The following RIPPLY3 variants were observed in gnomAD, a reference collection of about 807,000 sequenced individuals.
RIPPLY3 encodes the protein ripply transcriptional repressor 3, also known as protein ripply3.
Under a neutral mutation model 11.9 loss-of-function variants are expected in RIPPLY3, and 8 were observed. The ratio of observed to expected loss-of-function variants is 0.67; its 90% confidence interval spans 0.40 to 1.21. RIPPLY3 has a LOEUF of 1.21. RIPPLY3 is among the 50% of genes most tolerant of loss of function. The probability of loss-of-function intolerance (pLI) is 0.01; values close to 1 mark genes in which losing one functional copy is unlikely to be tolerated. For missense variants in RIPPLY3, 271 were observed against 246.0 expected (o/e 1.10, Z -0.68); for synonymous variants, 102 against 99.0 (o/e 1.03, Z -0.18).
At chr21:37,015,278 C>T (rs1215422171) in intron 3 of RIPPLY3, among the ~76,000 whole-genome samples, 1 of 152,118 alleles carries the variant, frequency 6.6e-6, no homozygotes, top group African/African-American at 2.4e-5. Context: ...ATTCTCCTGC[C>T]TCAGCCTCCC....
intron 3 of RIPPLY3, among the ~76,000 whole-genome samples, 170 bp from the exon 4 acceptor site, chr21:37,017,704 A>G (rs1182503785): frequency 6.6e-6 from 1 of 152,116 alleles, no homozygotes; most frequent in Non-Finnish European, 1.5e-5. Context: ...GGTGCCTCCA[A>G]TAGGTGCCTA....
At position 37,018,155 on chromosome 21, in the gene RIPPLY3, C is replaced by A. The variant is rs531434807; in HGVS notation, c.521C>A (p.Pro174Gln). 6.2e-7 allele frequency: 1 copy of A among 1,613,882 alleles called. No individual in the cohort carries two copies. Among genetic ancestry groups the A allele is most frequent in the South Asian group, 1.1e-5 (1 of 91,068 alleles). The change falls in exon 4 of 4, where the codon CCG becomes CAG. Residue 174 changes from proline to glutamine, a missense_variant. Transcript: ENST00000329553. Reference protein sequence around the residue: ...SGGGDHWGEGPLPQGVSSRGG... With the variant: ...SGGGDHWGEGQLPQGVSSRGG... ...GGGGGTGACCACTGGGGGGAGGGTC[C>A]GCTCCCTCAAGGTGTCTCCTCAAGG...
intron 2 of RIPPLY3, among the ~76,000 whole-genome samples, chr21:37,011,098 G>A (rs969625213): frequency 6.6e-6 from 1 of 151,978 alleles, no homozygotes; most frequent in African/African-American, 2.4e-5. Context: ...CTGCCTCCCA[G>A]GTTCAAGCGA....
intron 2 of RIPPLY3, among the ~76,000 whole-genome samples, chr21:37,010,262 C>T (rs1367885030): frequency 6.6e-6 from 1 of 152,074 alleles, no homozygotes; most frequent in African/African-American, 2.4e-5. Context: ...GAGGCCGAGG[C>T]GGTCGGATCA....
intron 1 of RIPPLY3, 89 bp from the exon 2 acceptor site, chr21:37,008,068 A>G (rs2277786): frequency 0.32 from 435,707 of 1,370,534 alleles, 72,006 homozygotes; most frequent in East Asian, 0.49. Flanking sequence ...TTTCAGGCAG[A>G]CACTGGAACT....
intron 2 of RIPPLY3, among the ~76,000 whole-genome samples, chr21:37,008,723 A>C (rs1283090092): frequency 7.3e-6 from 1 of 137,034 alleles, no homozygotes; most frequent in East Asian, 2.2e-4. Context: ...ATGCCACTGC[A>C]CTCCAGTGTG....
Position 37,008,157 on chromosome 21 carries a change from C to A in RIPPLY3, c.105C>A (p.Ser35Arg), listed in dbSNP as rs758659278. 1 of 1,614,108 alleles carries A rather than the reference C, an allele frequency of 6.2e-7. No homozygotes were observed. Among genetic ancestry groups the A allele is most frequent in the Non-Finnish European group, 8.5e-7 (1 of 1,179,966 alleles). ...WRPPPPRGPESPAPWRPWIQT... is the reference protein window; with the variant it reads ...WRPPPPRGPERPAPWRPWIQT... ...TCTCTCCTGGCGCTTGCCGTTCCAG[C>A]CCCGCGCCGTGGCGACCTTGGATCC... The change falls in exon 2 of 4, where the codon AGC becomes AGA. Residue 35 changes from serine (S) to arginine (R), a missense_variant and splice_region_variant. Physicochemically the swap from Ser to Arg is moderately radical, Grantham distance 110 (BLOSUM62 -1). Transcript: ENST00000329553.
At chr21:37,012,395 G>A (rs902850514) in intron 2 of RIPPLY3, among the ~76,000 whole-genome samples, 8 of 151,934 alleles carry the variant, frequency 5.3e-5, no homozygotes, top group South Asian at 4.2e-4. Context: ...ATGCCACCAC[G>A]CCCAGCTAAA....
chr21:37,017,821 A>G, intron 3 of RIPPLY3, 53 bp from the exon 4 acceptor site: 2 of 1,479,942 alleles, frequency 1.4e-6, no homozygotes, highest in Non-Finnish European at 1.8e-6. Flanking sequence ...TCTAGAAGCA[A>G]TTTAGGACGA....
At chr21:37,016,140 A>G (rs2069575612) in intron 3 of RIPPLY3, among the ~76,000 whole-genome samples, 1 of 152,104 alleles carries the variant, frequency 6.6e-6, no homozygotes, top group African/African-American at 2.4e-5. Context: ...AGATGAACAT[A>G]CACATTCTGT....
At chr21:37,008,645 C>G (rs1310687553) in intron 2 of RIPPLY3, among the ~76,000 whole-genome samples, 1 of 150,512 alleles carries the variant, frequency 6.6e-6, no homozygotes, top group Non-Finnish European at 1.5e-5. Flanking sequence ...GTAATCCCAG[C>G]TACTTAGGAG....
At chr21:37,006,374 C>T (rs564861570), upstream of RIPPLY3, 67 of 161,792 alleles carry the variant, frequency 4.1e-4, no homozygotes, top group Middle Eastern at 0.011. This position sits in a 1 kb window ranked among gnomAD's most constrained non-coding sequence, Gnocchi z 5.2. Context: ...ATCCCTGGTA[C>T]CTCCATCCTC....
intron 2 of RIPPLY3, among the ~76,000 whole-genome samples, chr21:37,012,891 G>A (rs2069540357): frequency 7.2e-6 from 1 of 139,008 alleles, no homozygotes; most frequent in Admixed American, 7.6e-5. Flanking sequence ...TTGAGACGGA[G>A]TGTCGCTCTG....
Position 37,008,160 on chromosome 21 carries a change from C to G in RIPPLY3, c.108C>G (p.Pro36=). The part of the protein sequence containing the change: ...RPPPPRGPES[P]APWRPWIQTP... Reference sequence around the variant, plus strand: ...CTCCTGGCGCTTGCCGTTCCAGCCCCGCGCCGTGGCGACCTTGGATCCAGA... The same window carrying G: ...CTCCTGGCGCTTGCCGTTCCAGCCCGGCGCCGTGGCGACCTTGGATCCAGA... The change falls in exon 2 of 4, where the codon CCC becomes CCG. Residue 36 remains proline (P), a synonymous_variant. Transcript: ENST00000329553. The G allele has an allele frequency of 3.7e-6, 6 of 1,614,134 alleles. No homozygotes were observed. Among genetic ancestry groups the G allele is most frequent in the East Asian group, 2.2e-5 (1 of 44,872 alleles).
Position 37,018,188 on chromosome 21 carries a change from A to G in RIPPLY3, c.554A>G (p.Lys185Arg). 1 of 1,613,440 alleles carries G rather than the reference A, an allele frequency of 6.2e-7. No individual in the cohort carries two copies. The highest frequency in any genetic ancestry group is 1.3e-5 in the African/African-American group (1 of 75,010). The change falls in exon 4 of 4, where the codon AAG (lysine) becomes AGG (arginine). Residue 185 changes from lysine to arginine, a missense_variant. Physicochemically the swap from Lys to Arg is conservative, Grantham distance 26. Coordinates refer to ENST00000329553, the MANE Select transcript of RIPPLY3 (RefSeq NM_018962.3). ...LPQGVSSRGGKCSSSK is the reference protein window; with the variant it reads ...LPQGVSSRGGRCSSSK ...CAAGGTGTCTCCTCAAGGGGTGGCA[A>G]GTGCTCCTCATCCAAATGAATCAGT... is the stretch of plus-strand genomic sequence containing the variant.
intron 3 of RIPPLY3, among the ~76,000 whole-genome samples, chr21:37,013,989 G>A (rs2069552670): frequency 6.6e-6 from 1 of 152,144 alleles, no homozygotes; most frequent in Non-Finnish European, 1.5e-5. Context: ...ATATAAGCTA[G>A]TATATTGTCT....
chr21:37,010,180 A>G (rs1003945310), intron 2 of RIPPLY3, among the ~76,000 whole-genome samples: 2 of 152,184 alleles, frequency 1.3e-5, no homozygotes, highest in Non-Finnish European at 2.9e-5. Flanking sequence ...GCTCCCGGCA[A>G]GCAAAGCAAA....
At chr21:37,011,332 T>C (rs913932872) in intron 2 of RIPPLY3, among the ~76,000 whole-genome samples, 3 of 152,096 alleles carry the variant, frequency 2.0e-5, no homozygotes, top group Non-Finnish European at 4.4e-5. Context: ...TAAAGCTGCA[T>C]ATGTTTGTGG....
chr21:37,018,267 A>C lies in RIPPLY3; in HGVS notation c.*60A>C, dbSNP rs1331975075. On this transcript the variant is annotated 3_prime_UTR_variant, in exon 4 of 4. Transcript: ENST00000329553. ...CTGCCCCTCACGTTCTCTTGGGGAC[A>C]CCCGAGCCAGGACACTACGCATCCC... 1.4e-6 allele frequency: 2 copies of C among 1,450,460 alleles called. No homozygotes were observed. Among genetic ancestry groups the C allele is most frequent in the Non-Finnish European group, 9.6e-7 (1 of 1,038,676 alleles). 89.8% of individuals were successfully genotyped at this position (1,450,460 alleles called of 1,614,324 possible). A position where few individuals can be genotyped will look rare whatever the true frequency, so the allele number is the denominator to read the frequency against.
Sources: gnomAD v4.1 joint callset for allele counts (sites outside exome capture counted in the v4.1 genomes callset) on GRCh38, gnomAD v4.1.1 for gene constraint, Gnocchi (gnomAD v3.1) non-coding constraint, MANE v1.5 for transcripts, NCBI Gene and HGNC (gene_info 2026-07-23, HGNC 2026-07-21) for gene names.